The following NCKAP5 variants were observed in gnomAD, a reference collection of about 807,000 sequenced individuals.
The protein encoded by NCKAP5 is NCK associated protein 5.
NCKAP5 carries 92 observed loss-of-function variants against 167.0 expected under a neutral mutation model. The observed-to-expected ratio is 0.55, with a 90% CI of 0.47 to 0.66. NCKAP5 has a LOEUF of 0.66. Among genes scored for constraint, NCKAP5 ranks in the 30% least tolerant of loss-of-function variants. The probability of loss-of-function intolerance (pLI) is 0.00; values close to 1 mark genes in which losing one functional copy is unlikely to be tolerated. For synonymous variants in NCKAP5, 891 were observed against 877.4 expected (o/e 1.02, Z -0.27); for missense variants, 2,378 against 2,315.0 (o/e 1.03, Z -0.56).
intron 8 of NCKAP5, among the ~76,000 whole-genome samples, chr2:132,883,868 T>A (rs924603554): frequency 6.6e-6 from 1 of 152,210 alleles, no homozygotes; most frequent in Non-Finnish European, 1.5e-5. Flanking sequence ...CTTTGGCAGG[T>A]GCTTGAAAAG....
intron 11 of NCKAP5, among the ~76,000 whole-genome samples, chr2:132,851,477 T>C (rs930046817): frequency 2.0e-5 from 3 of 152,196 alleles, no homozygotes; most frequent in Non-Finnish European, 4.4e-5. Context: ...AGTGTATTTC[T>C]GAGCAGCTGC....
intron 8 of NCKAP5, among the ~76,000 whole-genome samples, chr2:132,926,842 A>G (rs1402339435): frequency 6.6e-6 from 1 of 151,784 alleles, no homozygotes; most frequent in Non-Finnish European, 1.5e-5. Flanking sequence ...TCACTCGTTT[A>G]TTTCCTTTGC....
chr2:133,411,659 C>G (rs978157837), intron 3 of NCKAP5, among the ~76,000 whole-genome samples: 2 of 152,074 alleles, frequency 1.3e-5, no homozygotes, highest in African/African-American at 4.8e-5. Context: ...GTGCGGATAT[C>G]TTTGTGTACT....
At chr2:133,194,586 T>G (rs1426185823) in intron 5 of NCKAP5, among the ~76,000 whole-genome samples, 1 of 152,062 alleles carries the variant, frequency 6.6e-6, no homozygotes, top group Non-Finnish European at 1.5e-5. Flanking sequence ...TCTCCTGAAT[T>G]TCCATGTTCC....
At chr2:133,196,526 C>T (rs1189753129) in intron 5 of NCKAP5, among the ~76,000 whole-genome samples, 1 of 152,196 alleles carries the variant, frequency 6.6e-6, no homozygotes, top group Non-Finnish European at 1.5e-5. Context: ...AGAACTACCA[C>T]AGTCTGTACC....
intron 3 of NCKAP5, among the ~76,000 whole-genome samples, chr2:133,482,200 T>A (rs1183641542): frequency 6.6e-6 from 1 of 151,978 alleles, no homozygotes; most frequent in African/African-American, 2.4e-5. Flanking sequence ...TGTATATATA[T>A]AAAATTTTCC....
chr2:132,833,995 T>A (rs1313092356), intron 11 of NCKAP5, among the ~76,000 whole-genome samples: 6 of 152,192 alleles, frequency 3.9e-5, no homozygotes, highest in Admixed American at 6.5e-5. Context: ...GAGAATTAGA[T>A]GATTTTCTAC....
chr2:133,540,744 T>C (rs1312014491), intron 2 of NCKAP5, among the ~76,000 whole-genome samples: 1 of 151,976 alleles, frequency 6.6e-6, no homozygotes, highest in Non-Finnish European at 1.5e-5. Flanking sequence ...AAGTCCAGCC[T>C]AGCCAACATG....
At chr2:132,750,090 T>C (rs1379982652) in intron 16 of NCKAP5, among the ~76,000 whole-genome samples, 2 of 152,224 alleles carry the variant, frequency 1.3e-5, no homozygotes, top group African/African-American at 2.4e-5. Flanking sequence ...TGTTTCAGGA[T>C]CATTTCTGTT....
the NCKAP5 span, among the ~76,000 whole-genome samples, chr2:133,609,862 C>T: frequency 2.6e-5 from 4 of 152,146 alleles, no homozygotes; most frequent in Non-Finnish European, 1.5e-5. Context: ...AAGAGTGACT[C>T]ATAATAAACA....
At chr2:133,514,997 T>G (rs1683862600) in intron 3 of NCKAP5, among the ~76,000 whole-genome samples, 1 of 152,170 alleles carries the variant, frequency 6.6e-6, no homozygotes, top group African/African-American at 2.4e-5. Context: ...TTGTTCTTGT[T>G]GTTTTCTTGT....
intron 5 of NCKAP5, among the ~76,000 whole-genome samples, chr2:133,145,927 C>T (rs1042000091): frequency 2.6e-5 from 4 of 152,078 alleles, no homozygotes; most frequent in Non-Finnish European, 5.9e-5. Context: ...CTGAATCATT[C>T]CACTGTAACA....
intron 4 of NCKAP5, among the ~76,000 whole-genome samples, chr2:133,242,002 C>T (rs1261316416): frequency 2.0e-5 from 3 of 151,118 alleles, no homozygotes; most frequent in Non-Finnish European, 4.4e-5. Flanking sequence ...CCTGTAATCC[C>T]AGCTACTCAG....
Position 132,879,060 on chromosome 2 carries a change from C to G in NCKAP5, c.580-144G>C. On this transcript the variant is annotated intron_variant, in intron 8 of 19. Coordinates refer to ENST00000409261, the MANE Select transcript of NCKAP5 (RefSeq NM_207363.3). Reference sequence around the variant, plus strand: ...ACCTATGACAAGTTCACTCTAAGTACTATTATAAATATCGCAGGGATGACT... The same window carrying G: ...ACCTATGACAAGTTCACTCTAAGTAGTATTATAAATATCGCAGGGATGACT... 3 of 672,774 alleles carry G rather than the reference C, an allele frequency of 4.5e-6. No individual in the cohort carries two copies. The South Asian group carries it at 5.4e-5, about 12-fold the overall frequency. The allele number at this position is 672,774 out of a possible 1,614,324, so 41.7% of individuals were successfully genotyped here. A position where few individuals can be genotyped will look rare whatever the true frequency, so the allele number is the denominator to read the frequency against.
chr2:133,081,055 G>C (rs1365196500), intron 6 of NCKAP5, among the ~76,000 whole-genome samples: 1 of 152,112 alleles, frequency 6.6e-6, no homozygotes, highest in East Asian at 1.9e-4. Context: ...CCAAAATGCT[G>C]GCGGACTAGC....
At chr2:132,848,261 T>G (rs531965731) in intron 11 of NCKAP5, among the ~76,000 whole-genome samples, 1 of 152,334 alleles carries the variant, frequency 6.6e-6, no homozygotes, top group South Asian at 2.1e-4. Flanking sequence ...TTTTTTCCTT[T>G]TAGAAGTGGA....
At chr2:132,806,934 T>C (rs186885631) in intron 11 of NCKAP5, among the ~76,000 whole-genome samples, 39 of 152,354 alleles carry the variant, frequency 2.6e-4, no homozygotes, top group African/African-American at 9.4e-4. Context: ...GATTTTTGTA[T>C]GAGGCGAGAG....
At chr2:132,699,563 A>C (rs1197527695) in intron 19 of NCKAP5, among the ~76,000 whole-genome samples, 3 of 151,600 alleles carry the variant, frequency 2.0e-5, no homozygotes, top group Non-Finnish European at 4.4e-5. Flanking sequence ...CCCACCTATG[A>C]GTGAGAACAT....
chr2:132,696,823 G>C (rs1461141531), intron 19 of NCKAP5, among the ~76,000 whole-genome samples: 1 of 152,174 alleles, frequency 6.6e-6, no homozygotes, highest in Non-Finnish European at 1.5e-5. Flanking sequence ...GAAATAAAGA[G>C]AGGGCAAGAC....
Sources: gnomAD v4.1 joint callset for allele counts (sites outside exome capture counted in the v4.1 genomes callset) on GRCh38, gnomAD v4.1.1 for gene constraint, MANE v1.5 for transcripts, NCBI Gene and HGNC (gene_info 2026-07-23, HGNC 2026-07-21) for gene names.